Variants in PRKN observed in about 807,000 individuals in gnomAD.
PRKN encodes the protein parkin RBR E3 ubiquitin protein ligase.
A neutral mutation model predicts 59.5 loss-of-function variants in PRKN; 56 were observed. That is an observed-to-expected ratio of 0.94 (90% CI 0.76 to 1.18). PRKN has a LOEUF of 1.18. Among genes scored for constraint, PRKN ranks in the 50% most tolerant of loss-of-function variants. The pLI is 0.00. For missense variants in PRKN, 657 were observed against 596.4 expected (o/e 1.10, Z -1.06); for synonymous variants, 250 against 222.1 (o/e 1.13, Z -1.12).
intron 6 of PRKN, among the ~76,000 whole-genome samples, chr6:161,898,503 G>A (rs949477938): frequency 3.9e-5 from 6 of 152,154 alleles, no homozygotes; most frequent in African/African-American, 9.7e-5. Flanking sequence ...CTGAGGAAAC[G>A]GAGGCACATA....
chr6:162,072,345 A>G (rs1186011231), intron 4 of PRKN, among the ~76,000 whole-genome samples: 6 of 152,256 alleles, frequency 3.9e-5, no homozygotes, highest in African/African-American at 1.2e-4. Context: ...TATTGGAGGG[A>G]TGAGAGACCT....
chr6:162,231,175 A>G (rs1469421940), intron 3 of PRKN, among the ~76,000 whole-genome samples: 2 of 152,150 alleles, frequency 1.3e-5, no homozygotes, highest in Non-Finnish European at 2.9e-5. Context: ...GTTAGTTTCC[A>G]AAGAAAATAT....
chr6:161,513,976 C>T (rs1778494957), intron 9 of PRKN, among the ~76,000 whole-genome samples: 1 of 151,904 alleles, frequency 6.6e-6, no homozygotes, highest in Admixed American at 6.6e-5. Context: ...TCATTAAGGT[C>T]TATGAAAAGT....
At chr6:162,603,767 G>A (rs1056572826) in intron 1 of PRKN, among the ~76,000 whole-genome samples, 3 of 152,058 alleles carry the variant, frequency 2.0e-5, no homozygotes, top group Non-Finnish European at 2.9e-5. Flanking sequence ...AGTAGAGCAC[G>A]CTGGAAACCA....
At chr6:162,351,684 T>C (rs1461583913) in intron 2 of PRKN, among the ~76,000 whole-genome samples, 1 of 152,152 alleles carries the variant, frequency 6.6e-6, no homozygotes, top group East Asian at 1.9e-4. Flanking sequence ...AAACAAACTG[T>C]AGTATATATT....
intron 1 of PRKN, among the ~76,000 whole-genome samples, chr6:162,457,054 A>G (rs1398349961): frequency 6.6e-6 from 1 of 152,180 alleles, no homozygotes; most frequent in African/African-American, 2.4e-5. Context: ...AGAACACTCA[A>G]CCTCAACTGA....
chr6:161,643,243 G>A (rs748558527), intron 7 of PRKN, among the ~76,000 whole-genome samples: 25 of 152,000 alleles, frequency 1.6e-4, no homozygotes, highest in Non-Finnish European at 3.5e-4. Flanking sequence ...TCCATATTAA[G>A]CACAACTAGT....
In PRKN at chr6:161,399,707, G is replaced by A. The variant is rs566192974; in HGVS notation, c.1084-12830C>T. ...GCCCCCAGAAAGTACCAATCCCAGT[G>A]CTAGGGATGATGCCAGCATTCTAGT... On this transcript the variant is annotated intron_variant, in intron 9 of 11. Transcript: ENST00000366898. This position sits in a 1 kb window ranked among gnomAD's most constrained non-coding sequence, Gnocchi z 4.4. 6.6e-6 allele frequency among the ~76,000 whole-genome samples: 1 copy of A among 152,254 alleles called. No individual in the cohort carries two copies. Among genetic ancestry groups the A allele is most frequent in the Admixed American group, 6.5e-5 (1 of 15,304 alleles).
rs114019240 is a variant in PRKN at position 162,412,290 on chromosome 6, A to G, written c.171+31020T>C. Among the ~76,000 whole-genome samples, 994 of 152,242 alleles carry G rather than the reference A, an allele frequency of 6.5e-3. 12 individuals carry two copies. The highest frequency in any genetic ancestry group is 0.023 in the African/African-American group (952 of 41,548). On this transcript the variant is annotated intron_variant, in intron 2 of 11. Coordinates refer to ENST00000366898, the MANE Select transcript of PRKN (RefSeq NM_004562.3). Reference sequence around the variant, plus strand: ...TGTCATATCCTACCGTGAGGATGGCATATCTAGAGCAAGGCTCAATCTAGA... The same window carrying G: ...TGTCATATCCTACCGTGAGGATGGCGTATCTAGAGCAAGGCTCAATCTAGA...
rs1445788077 is a variant in PRKN at position 161,518,005 on chromosome 6, T to C, written c.1083+30849A>G. ...ACATGAAATCAAGAGGACTATTATT[T>C]CCTCGGGGAGACTGGCAGAAGTTGG... On this transcript the variant is annotated intron_variant, in intron 9 of 11. Transcript: ENST00000366898. The surrounding 1 kb of genome is among the most constrained non-coding windows in gnomAD (Gnocchi z 5.0). Among the ~76,000 whole-genome samples, 1 of 152,142 alleles carries C rather than the reference T, an allele frequency of 6.6e-6. No individual in the cohort carries two copies. The highest frequency in any genetic ancestry group is 1.5e-5 in the Non-Finnish European group (1 of 68,020).
rs145342428 is a variant in PRKN, at chr6:162,329,327, G to C, written c.172-66562C>G. ...AGTGGACGTGGAAGGTGGTAGCTCC[G>C]ATAGCCAGTGGGCATATACGCACAG... On this transcript the variant is annotated intron_variant, in intron 2 of 11. Coordinates refer to ENST00000366898, the MANE Select transcript of PRKN (RefSeq NM_004562.3). 1.7e-3 allele frequency among the ~76,000 whole-genome samples: 253 copies of C among 152,208 alleles called. 3 individuals are homozygous for C. The East Asian group carries it at 0.023, about 14-fold the overall frequency.
At chr6:161,720,085 C>G (rs1787157984) in intron 7 of PRKN, among the ~76,000 whole-genome samples, 1 of 152,166 alleles carries the variant, frequency 6.6e-6, no homozygotes, top group Non-Finnish European at 1.5e-5. Context: ...CAGAGAAAAC[C>G]ATTGGATTCC....
rs938835960 is a variant in PRKN at position 161,466,054 on chromosome 6, A to G, written c.1084-79177T>C. 5.4e-5 allele frequency among the ~76,000 whole-genome samples: 8 copies of G among 147,288 alleles called. No homozygotes were observed. The highest frequency in any genetic ancestry group is 1.0e-4 in the Non-Finnish European group (7 of 67,728). Reference sequence around the variant, plus strand: ...AATCAACACTTCTATCACCACACATAGTTATCTTTGTGTGTGTGTGTGTGT... The same window carrying G: ...AATCAACACTTCTATCACCACACATGGTTATCTTTGTGTGTGTGTGTGTGT... On this transcript the variant is annotated intron_variant, in intron 9 of 11. Transcript: ENST00000366898. The surrounding 1 kb of genome is among the most constrained non-coding windows in gnomAD (Gnocchi z 5.0).
At chr6:162,072,346 T>G (rs1420464947) in intron 4 of PRKN, among the ~76,000 whole-genome samples, 1 of 152,142 alleles carries the variant, frequency 6.6e-6, no homozygotes, top group Non-Finnish European at 1.5e-5. Context: ...ATTGGAGGGA[T>G]GAGAGACCTC....
At chr6:162,310,972 T>C (rs957128238) in intron 2 of PRKN, among the ~76,000 whole-genome samples, 2 of 152,132 alleles carry the variant, frequency 1.3e-5, no homozygotes, top group Non-Finnish European at 2.9e-5. Flanking sequence ...AAGTGAAAAT[T>C]TACAATCATT....
chr6:162,197,340 G>A (rs979422565), intron 4 of PRKN, among the ~76,000 whole-genome samples: 11 of 152,160 alleles, frequency 7.2e-5, no homozygotes, highest in African/African-American at 2.6e-4. Flanking sequence ...TTTTGTTATT[G>A]AAAAATTGAA....
At chr6:161,663,892 T>C (rs1784635519) in intron 7 of PRKN, among the ~76,000 whole-genome samples, 1 of 152,072 alleles carries the variant, frequency 6.6e-6, no homozygotes, top group African/African-American at 2.4e-5. Flanking sequence ...ATGCTGCACA[T>C]GGGGGAGTGG....
rs1179316448 is a variant in PRKN at position 162,552,799 on chromosome 6, T to C, written c.8-109326A>G. ...AGATAGAGAGGACGTGGGGCCAAGC[T>C]CTGAGGACCTTCAACCTTCAGAAGT... On this transcript the variant is annotated intron_variant, in intron 1 of 11. Coordinates refer to ENST00000366898, the MANE Select transcript of PRKN (RefSeq NM_004562.3). 2.0e-5 allele frequency among the ~76,000 whole-genome samples: 3 copies of C among 151,902 alleles called. No individual in the cohort carries two copies. The East Asian group carries it at 5.8e-4, about 29-fold the overall frequency.
At chr6:161,504,498 T>C (rs186647706) in intron 9 of PRKN, among the ~76,000 whole-genome samples, 2 of 151,310 alleles carry the variant, frequency 1.3e-5, no homozygotes, top group Admixed American at 1.3e-4. Context: ...CAGGGATAAA[T>C]GGGAACAGAC....
Sources: gnomAD v4.1 joint callset for allele counts (sites outside exome capture counted in the v4.1 genomes callset) on GRCh38, gnomAD v4.1.1 for gene constraint, Gnocchi (gnomAD v3.1) non-coding constraint, MANE v1.5 for transcripts, NCBI Gene and HGNC (gene_info 2026-07-23, HGNC 2026-07-21) for gene names.